Variants in SGF29 observed in about 807,000 individuals in gnomAD.
SGF29 encodes SAGA-associated factor 29.
SGF29 carries 15 observed loss-of-function variants against 38.1 expected under a neutral mutation model. The observed-to-expected ratio is 0.39, with a 90% CI of 0.26 to 0.61. The LOEUF (loss-of-function observed/expected upper bound fraction) is 0.61. Among genes scored for constraint, SGF29 ranks in the 20% least tolerant of loss-of-function variants. The pLI is 0.49. For missense variants in SGF29, 184 were observed against 394.6 expected (o/e 0.47, Z 4.52); for synonymous variants, 151 against 160.8 (o/e 0.94, Z 0.46).
intron 1 of SGF29, among the ~76,000 whole-genome samples, chr16:28,560,893 G>A (rs1261182208): frequency 2.0e-5 from 3 of 149,476 alleles, no homozygotes; most frequent in Admixed American, 1.3e-4. Context: ...CCTGGGAGGC[G>A]GAGCTTGCAG....
At chr16:28,588,590 G>A (rs1156735938) in intron 4 of SGF29, 3 of 428,886 alleles carry the variant, frequency 7.0e-6, no homozygotes, top group Non-Finnish European at 9.1e-6. Flanking sequence ...TTGAAATGGA[G>A]TTTCGTTCTT....
At position 28,579,446 on chromosome 16, in the gene SGF29, C is replaced by T. The variant is rs569337751; in HGVS notation, c.-15-1609C>T. The stretch of plus-strand genomic sequence containing the variant: ...CTAATTTTTGTATTTTTAGTAGAGA[C>T]AAGGTTTCACCATGTTGGCCAGGAT... On this transcript the variant is annotated intron_variant, in intron 1 of 9. Transcript: ENST00000317058. 9.3e-5 allele frequency among the ~76,000 whole-genome samples: 14 copies of T among 150,752 alleles called. No individual in the cohort carries two copies. The South Asian group carries it at 2.9e-3, about 32-fold the overall frequency.
chr16:28,568,687 G>A (rs948032621), intron 1 of SGF29, among the ~76,000 whole-genome samples: 1 of 152,094 alleles, frequency 6.6e-6, no homozygotes, highest in African/African-American at 2.4e-5. Context: ...GGCCGAGGGG[G>A]ATGGATCACG....
intron 2 of SGF29, 123 bp from the exon 3 acceptor site, chr16:28,584,790 A>G: frequency 7.8e-6 from 1 of 127,678 alleles, no homozygotes; most frequent in Non-Finnish European, 1.6e-5. Flanking sequence ...CTCCATCTCA[A>G]AAAAAAAAAA....
chr16:28,564,499 CTCTGTGTGTGTATATATA>C (rs1184998092), intron 1 of SGF29, among the ~76,000 whole-genome samples: 1 of 139,082 alleles, frequency 7.2e-6, no homozygotes, highest in East Asian at 2.0e-4. Flanking sequence ...AGGGACAGAA[CTCTGTGTGTGTATATATA>C]TATGTGTGTG....
At chr16:28,582,958 A>G (rs2046935009) in intron 2 of SGF29, among the ~76,000 whole-genome samples, 1 of 152,232 alleles carries the variant, frequency 6.6e-6, no homozygotes, top group Non-Finnish European at 1.5e-5. Flanking sequence ...AAAGGAAAAA[A>G]AAGATACAGG....
At chr16:28,557,187 C>G (rs964878308) in intron 1 of SGF29, among the ~76,000 whole-genome samples, 1 of 152,226 alleles carries the variant, frequency 6.6e-6, no homozygotes, top group African/African-American at 2.4e-5. Flanking sequence ...TGCTTCTACC[C>G]TGCAGCCTTT....
intron 1 of SGF29, among the ~76,000 whole-genome samples, chr16:28,576,361 C>T (rs1193885370): frequency 2.6e-5 from 4 of 151,896 alleles, no homozygotes; most frequent in Non-Finnish European, 5.9e-5. Context: ...ACATATTTAC[C>T]TATGCAACAA....
At chr16:28,580,778 G>A (rs1195172500) in intron 1 of SGF29, among the ~76,000 whole-genome samples, 3 of 152,092 alleles carry the variant, frequency 2.0e-5, no homozygotes, top group South Asian at 2.1e-4. Flanking sequence ...ACCCCCTAGG[G>A]CCTAGCGATC....
intron 1 of SGF29, among the ~76,000 whole-genome samples, chr16:28,560,239 G>T (rs1162448225): frequency 2.0e-5 from 3 of 147,736 alleles, no homozygotes; most frequent in African/African-American, 7.5e-5. Flanking sequence ...AAAAAACCAC[G>T]AAAATTTTAA....
intron 1 of SGF29, among the ~76,000 whole-genome samples, chr16:28,576,248 T>C (rs1248066640): frequency 6.6e-6 from 1 of 151,670 alleles, no homozygotes; most frequent in Admixed American, 6.6e-5. Flanking sequence ...CAACAGACAC[T>C]GGGCGGGGAG....
Position 28,585,754 on chromosome 16 carries a change from C to T in SGF29, c.224+34C>T, listed in dbSNP as rs573400759. 5.7e-5 allele frequency: 91 copies of T among 1,599,008 alleles called. 1 individual carries two copies. In the South Asian group the frequency reaches 9.8e-4, roughly 17 times the overall value. On this transcript the variant is annotated intron_variant, in intron 4 of 9. Transcript: ENST00000317058. ...CGTGCACCCACTTCATCGCCGCTCC[C>T]TCCTTTCCTGGGGGCTGGGCTGCAG...
At chr16:28,560,973 AAAAG>A (rs1342883544) in intron 1 of SGF29, among the ~76,000 whole-genome samples, 2 of 151,752 alleles carry the variant, frequency 1.3e-5, no homozygotes, top group Non-Finnish European at 1.5e-5. Flanking sequence ...AAAAAAAAAA[AAAAG>A]GCAATCAACG....
chr16:28,584,188 A>G (rs542121796), intron 2 of SGF29, among the ~76,000 whole-genome samples: 1 of 152,146 alleles, frequency 6.6e-6, no homozygotes, highest in African/African-American at 2.4e-5. Flanking sequence ...GTGGGGTTTC[A>G]TCATGTTGGC....
chr16:28,564,711 A>ATATGTG (rs1567285962), intron 1 of SGF29, among the ~76,000 whole-genome samples: 6 of 93,336 alleles, frequency 6.4e-5, no homozygotes, highest in Admixed American at 1.4e-4. Context: ...ATATATACAT[A>ATATGTG]TATATGTATA....
At chr16:28,582,166 A>G (rs550123669) in intron 2 of SGF29, among the ~76,000 whole-genome samples, 61 of 152,178 alleles carry the variant, frequency 4.0e-4, no homozygotes, top group Non-Finnish European at 7.5e-4. Flanking sequence ...TAACCTGGAG[A>G]GTAAGAGTCA....
At chr16:28,577,927 G>A (rs1029207215) in intron 1 of SGF29, among the ~76,000 whole-genome samples, 4 of 152,092 alleles carry the variant, frequency 2.6e-5, no homozygotes, top group African/African-American at 9.7e-5. Context: ...AAAATTAGTC[G>A]ACCATTTCTG....
Position 28,590,988 on chromosome 16 carries a change from C to A in SGF29, c.765+53C>A. On this transcript the variant is annotated intron_variant, in intron 9 of 9. Coordinates refer to ENST00000317058, the MANE Select transcript of SGF29 (RefSeq NM_138414.3). The surrounding 1 kb of genome is among the most constrained non-coding windows in gnomAD (Gnocchi z 8.2). ...TGGGTGATGTCAGGAACAGGCTGAT[C>A]AGACAGACGAGGGGTCCTCTCCCCA... 6.5e-7 allele frequency: 1 copy of A among 1,528,406 alleles called. No homozygotes were observed. Among genetic ancestry groups the A allele is most frequent in the South Asian group, 1.2e-5 (1 of 80,910 alleles). 94.7% of individuals were successfully genotyped at this position (1,528,406 alleles called of 1,614,324 possible). A position where few individuals can be genotyped will look rare whatever the true frequency, so the allele number is the denominator to read the frequency against.
At chr16:28,571,151 C>G (rs1473678655) in intron 1 of SGF29, among the ~76,000 whole-genome samples, 1 of 152,066 alleles carries the variant, frequency 6.6e-6, no homozygotes, top group African/African-American at 2.4e-5. Context: ...GGTTAGCGCC[C>G]TTATGAAAGA....
Sources: gnomAD v4.1 joint callset for allele counts (sites outside exome capture counted in the v4.1 genomes callset) on GRCh38, gnomAD v4.1.1 for gene constraint, Gnocchi (gnomAD v3.1) non-coding constraint, MANE v1.5 for transcripts, NCBI Gene and HGNC (gene_info 2026-07-23, HGNC 2026-07-21) for gene names.